PARD3: variants seen among roughly 807,000 people sequenced by gnomAD.
The protein encoded by PARD3 is par-3 family cell polarity regulator.
PARD3 carries 75 observed loss-of-function variants against 155.4 expected under a neutral mutation model. That is an observed-to-expected ratio of 0.48 (90% CI 0.40 to 0.58). The LOEUF (loss-of-function observed/expected upper bound fraction) is 0.58, where lower values mean the gene tolerates loss of function less well. Ranked by LOEUF, PARD3 falls within the 20% of genes least tolerant of loss-of-function variation. The pLI is 0.00. For missense variants in PARD3, 1,642 were observed against 1,721.7 expected (o/e 0.95, Z 0.82); for synonymous variants, 576 against 610.5 (o/e 0.94, Z 0.83).
intron 2 of PARD3, among the ~76,000 whole-genome samples, chr10:34,662,603 T>C (rs890173124): frequency 6.6e-6 from 1 of 152,200 alleles, no homozygotes; most frequent in Admixed American, 6.5e-5. Context: ...CCAGGTGCGA[T>C]GGCTCGCACC....
chr10:34,574,145 G>T (rs1426630159), intron 2 of PARD3, among the ~76,000 whole-genome samples: 1 of 151,492 alleles, frequency 6.6e-6, no homozygotes, highest in Admixed American at 6.6e-5. Flanking sequence ...TTTCAGTTAG[G>T]TTATATTTTC....
intron 5 of PARD3, among the ~76,000 whole-genome samples, chr10:34,411,958 G>GTGTA (rs1564683391): frequency 8.7e-6 from 1 of 114,666 alleles, no homozygotes; most frequent in East Asian, 2.3e-4. Flanking sequence ...GTGTGTGTGT[G>GTGTA]TGTGTATTTC....
chr10:34,461,852 G>A (rs1490550221), intron 4 of PARD3, among the ~76,000 whole-genome samples: 1 of 152,098 alleles, frequency 6.6e-6, no homozygotes, highest in Non-Finnish European at 1.5e-5. Flanking sequence ...GCAGTGGTTT[G>A]TGAACTCTAA....
intron 12 of PARD3, among the ~76,000 whole-genome samples, chr10:34,367,818 TG>T (rs1840123754): frequency 6.6e-6 from 1 of 152,220 alleles, no homozygotes; most frequent in Admixed American, 6.5e-5. Flanking sequence ...ATTTCTAACT[TG>T]AGACTCTAAC....
chr10:34,283,475 A>G (rs1436143903), intron 21 of PARD3, among the ~76,000 whole-genome samples: 3 of 152,164 alleles, frequency 2.0e-5, no homozygotes. Flanking sequence ...ATCACTTAGA[A>G]AAACGGTTTT....
chr10:34,206,191 G>C (rs1288001510), intron 22 of PARD3, among the ~76,000 whole-genome samples: 2 of 152,234 alleles, frequency 1.3e-5, no homozygotes, highest in African/African-American at 4.8e-5. Flanking sequence ...GGTGGCTGCT[G>C]GGCCAGGAGG....
intron 1 of PARD3, among the ~76,000 whole-genome samples, chr10:34,757,750 A>G: frequency 6.6e-6 from 1 of 152,146 alleles, no homozygotes; most frequent in Non-Finnish European, 1.5e-5. Flanking sequence ...AAACCATTGC[A>G]AATTCTACTC....
intron 1 of PARD3, among the ~76,000 whole-genome samples, chr10:34,722,576 T>A (rs969716510): frequency 6.6e-6 from 1 of 152,166 alleles, no homozygotes; most frequent in Admixed American, 6.6e-5. Context: ...TCCCTGGGGA[T>A]GTTCCGTCTC....
At chr10:34,756,185 A>T (rs1836706883) in intron 1 of PARD3, among the ~76,000 whole-genome samples, 2 of 105,640 alleles carry the variant, frequency 1.9e-5, no homozygotes, top group Non-Finnish European at 1.8e-5. Context: ...ACGGAGTCTT[A>T]CTCTGCTGCC....
At chr10:34,682,038 A>G (rs1433079317) in intron 2 of PARD3, among the ~76,000 whole-genome samples, 1 of 151,890 alleles carries the variant, frequency 6.6e-6, no homozygotes, top group Non-Finnish European at 1.5e-5. Context: ...TGTGAGGGCT[A>G]GATGAAAGAA....
intron 5 of PARD3, among the ~76,000 whole-genome samples, chr10:34,438,589 T>C (rs1197530656): frequency 6.6e-6 from 1 of 152,174 alleles, no homozygotes; most frequent in Non-Finnish European, 1.5e-5. Context: ...AGGGACATTA[T>C]GAACTTTTTC....
intron 3 of PARD3, among the ~76,000 whole-genome samples, chr10:34,490,114 G>T (rs544626765): frequency 3.3e-5 from 5 of 152,208 alleles, no homozygotes; most frequent in African/African-American, 1.2e-4. Flanking sequence ...CCATCACACG[G>T]TAGGAGTGCA....
intron 2 of PARD3, among the ~76,000 whole-genome samples, chr10:34,590,964 C>A (rs1324511793): frequency 6.6e-6 from 1 of 152,200 alleles, no homozygotes; most frequent in Non-Finnish European, 1.5e-5. Flanking sequence ...TCAGCCACTA[C>A]CAACCCCATT....
chr10:34,172,292 C>T (rs562845633), intron 22 of PARD3, among the ~76,000 whole-genome samples: 12 of 152,224 alleles, frequency 7.9e-5, no homozygotes, highest in South Asian at 2.1e-4. Flanking sequence ...TAGGTATTCA[C>T]TAAACTTTTA....
intron 2 of PARD3, among the ~76,000 whole-genome samples, chr10:34,650,478 G>A (rs1286954124): frequency 6.6e-6 from 1 of 152,246 alleles, no homozygotes; most frequent in Non-Finnish European, 1.5e-5. Flanking sequence ...CTTGTGGGGT[G>A]ACGAATAGGG....
chr10:34,122,314 T>C (rs1947050446), intron 23 of PARD3, among the ~76,000 whole-genome samples: 1 of 152,168 alleles, frequency 6.6e-6, no homozygotes, highest in African/African-American at 2.4e-5. Flanking sequence ...GTTTCTCCCA[T>C]AGGCCTGAAA....
chr10:34,776,724 C>G (rs987413256), intron 1 of PARD3, among the ~76,000 whole-genome samples: 2 of 150,916 alleles, frequency 1.3e-5, no homozygotes, highest in Admixed American at 1.3e-4. Flanking sequence ...ACATTGTGAG[C>G]AGAAAATTAG....
chr10:34,642,030 A>G (rs2092693573), intron 2 of PARD3, among the ~76,000 whole-genome samples: 1 of 152,040 alleles, frequency 6.6e-6, no homozygotes, highest in African/African-American at 2.4e-5. Flanking sequence ...GACACTGCCC[A>G]GAGCCCACCG....
intron 4 of PARD3, among the ~76,000 whole-genome samples, chr10:34,468,895 T>C (rs2078173501): frequency 1.3e-5 from 2 of 152,234 alleles, no homozygotes; most frequent in South Asian, 4.1e-4. Flanking sequence ...TACATCTTTT[T>C]CATCTTATGT....
Sources: allele counts gnomAD v4.1 joint callset (sites outside exome capture counted in the v4.1 genomes callset), GRCh38; gene constraint gnomAD v4.1.1; transcripts MANE v1.5; gene names NCBI Gene and HGNC (gene_info 2026-07-23, HGNC 2026-07-21).